The following SDK1 variants were observed in gnomAD, a reference collection of about 807,000 sequenced individuals.
SDK1 encodes protein sidekick-1.
Under a neutral mutation model 245.5 loss-of-function variants are expected in SDK1, and 157 were observed. That is an observed-to-expected ratio of 0.64 (90% CI 0.56 to 0.73). SDK1 has a LOEUF of 0.73. SDK1 is among the 30% of genes least tolerant of loss of function. The pLI, the probability that SDK1 is intolerant of heterozygous loss-of-function variation, is 0.00. For synonymous variants in SDK1, 1,647 were observed against 1,278.5 expected (o/e 1.29, Z -6.15); for missense variants, 3,583 against 3,002.3 (o/e 1.19, Z -4.52).
At chr7:3,757,544 C>T (rs1327127795) in intron 4 of SDK1, among the ~76,000 whole-genome samples, 1 of 152,106 alleles carries the variant, frequency 6.6e-6, no homozygotes, top group Non-Finnish European at 1.5e-5. Flanking sequence ...ACCAGGAAGT[C>T]ACTTTACTTT....
At chr7:3,890,176 C>G (rs73294625) in intron 5 of SDK1, among the ~76,000 whole-genome samples, 2,483 of 152,282 alleles carry the variant, frequency 0.016, 63 homozygotes, top group African/African-American at 0.057. Context: ...CCTCTTGATT[C>G]CAGATACAGT....
intron 15 of SDK1, among the ~76,000 whole-genome samples, chr7:4,011,888 C>T (rs1485093895): frequency 6.6e-6 from 1 of 152,122 alleles, no homozygotes; most frequent in Non-Finnish European, 1.5e-5. Flanking sequence ...TTCCTCGTTG[C>T]TTGGTTAACT....
chr7:3,709,625 G>A (rs1185595918), intron 4 of SDK1, among the ~76,000 whole-genome samples: 1 of 152,204 alleles, frequency 6.6e-6, no homozygotes, highest in African/African-American at 2.4e-5. Flanking sequence ...AGTTAATGGT[G>A]TGTCTCTGCA....
rs181810844 is a variant in SDK1 at position 3,983,902 on chromosome 7, C to T, written c.1995-3284C>T. Among the ~76,000 whole-genome samples, 278 of 152,310 alleles carry T rather than the reference C, an allele frequency of 1.8e-3. 1 individual carries two copies. Among genetic ancestry groups the T allele is most frequent in the South Asian group, 2.9e-3 (14 of 4,826 alleles). On this transcript the variant is annotated intron_variant, in intron 13 of 44. Coordinates refer to ENST00000404826, the MANE Select transcript of SDK1 (RefSeq NM_152744.4). ...TTCGGGGGACAGTCGCAGAGAAGGA[C>T]GTGTGCGTCTCTGCACATCACGGGC... is the stretch of plus-strand genomic sequence containing the variant.
At chr7:3,636,819 C>T (rs1012591927) in intron 2 of SDK1, among the ~76,000 whole-genome samples, 1 of 152,114 alleles carries the variant, frequency 6.6e-6, no homozygotes, top group Non-Finnish European at 1.5e-5. Flanking sequence ...TACAGTAGTT[C>T]CTTTTTCTCC....
chr7:3,830,602 C>T lies in SDK1; in HGVS notation c.847+9019C>T, dbSNP rs564944983. 3.2e-4 allele frequency among the ~76,000 whole-genome samples: 49 copies of T among 152,188 alleles called. 1 individual carries two copies. Among genetic ancestry groups the T allele is most frequent in the African/African-American group, 1.2e-3 (49 of 41,526 alleles). On this transcript the variant is annotated intron_variant, in intron 5 of 44. Coordinates refer to ENST00000404826, the MANE Select transcript of SDK1 (RefSeq NM_152744.4). ...TCTCAACCTCCTGGGCTCAAGCGAT[C>T]CTCCCACCCCAGCCTCCTGATTAGC...
At chr7:3,655,010 G>A (rs920486827) in intron 4 of SDK1, among the ~76,000 whole-genome samples, 1 of 148,446 alleles carries the variant, frequency 6.7e-6, no homozygotes, top group East Asian at 2.0e-4. Context: ...AAATTCTGAA[G>A]TTGCCAGGCC....
rs555036785 is a variant in SDK1 at position 3,456,176 on chromosome 7, A to C, written c.298+154292A>C. The stretch of plus-strand genomic sequence containing the variant: ...AAGATCTTTTTCTTCAGTTTTTATT[A>C]ATTTGTCTTGCTATGTTTTTCCTTG... On this transcript the variant is annotated intron_variant, in intron 1 of 44. Transcript: ENST00000404826. Among the ~76,000 whole-genome samples, 10 of 152,096 alleles carry C rather than the reference A, an allele frequency of 6.6e-5. No individual in the cohort carries two copies. In the South Asian group the frequency reaches 2.1e-3, roughly 32 times the overall value.
chr7:3,774,398 C>T (rs1023789983), intron 4 of SDK1, among the ~76,000 whole-genome samples: 3 of 152,146 alleles, frequency 2.0e-5, no homozygotes, highest in African/African-American at 7.2e-5. Context: ...GTTTGGAGGA[C>T]AGTGTCCTTT....
At position 4,067,930 on chromosome 7, in the gene SDK1, A is replaced by G; in HGVS notation, c.3004A>G (p.Ile1002Val). 1 of 1,607,008 alleles carries G rather than the reference A, an allele frequency of 6.2e-7. No homozygotes were observed. Among genetic ancestry groups the G allele is most frequent in the Non-Finnish European group, 8.5e-7 (1 of 1,174,842 alleles). ...WQEPLEKNGI[I>V]TGYQISWEVY... ...GGAGCCCCTGGAGAAAAATGGCATC[A>G]TTACTGGTAAGTAGGCCTGTCCTTC... The change falls in exon 20 of 45, where the codon ATT (isoleucine) becomes GTT (valine). Residue 1002 changes from isoleucine to valine, a missense_variant. Transcript: ENST00000404826.
chr7:3,972,330 C>T (rs781353568), intron 12 of SDK1, among the ~76,000 whole-genome samples: 9 of 152,252 alleles, frequency 5.9e-5, no homozygotes, highest in East Asian at 1.9e-4. Flanking sequence ...CCACCTGTCT[C>T]GGCCTCCCAA....
intron 1 of SDK1, among the ~76,000 whole-genome samples, chr7:3,433,590 C>G (rs1048970128): frequency 6.6e-6 from 1 of 152,092 alleles, no homozygotes; most frequent in Non-Finnish European, 1.5e-5. Flanking sequence ...AGCACAATGA[C>G]TAAGTGAATT....
intron 4 of SDK1, among the ~76,000 whole-genome samples, chr7:3,760,524 CAAAT>C (rs959721787): frequency 1.3e-5 from 2 of 152,280 alleles, no homozygotes; most frequent in South Asian, 2.1e-4. Context: ...TTATGTTTGC[CAAAT>C]AAATCTCTTT....
intron 5 of SDK1, among the ~76,000 whole-genome samples, chr7:3,913,525 C>G (rs1447286825): frequency 6.6e-6 from 1 of 152,038 alleles, no homozygotes; most frequent in South Asian, 2.1e-4. Context: ...GATCTCCTGA[C>G]GTCGTGATCC....
At chr7:4,142,134 C>T (rs557880070) in intron 28 of SDK1, among the ~76,000 whole-genome samples, 2 of 152,238 alleles carry the variant, frequency 1.3e-5, no homozygotes, top group African/African-American at 2.4e-5. Flanking sequence ...GATCCCACCT[C>T]GACAGTGTGG....
intron 1 of SDK1, among the ~76,000 whole-genome samples, chr7:3,616,564 C>G (rs957039226): frequency 2.0e-5 from 3 of 152,276 alleles, no homozygotes; most frequent in African/African-American, 7.2e-5. Flanking sequence ...ATCTCATCGA[C>G]TAGGTTAAAT....
chr7:4,126,995 C>T (rs598632), intron 25 of SDK1, among the ~76,000 whole-genome samples: 15,735 of 152,242 alleles, frequency 0.1, 887 homozygotes, highest in South Asian at 0.14. Flanking sequence ...CTTCTCTCTT[C>T]AGCTTCTCCT....
chr7:4,089,287 T>G (rs1781634562), intron 22 of SDK1, among the ~76,000 whole-genome samples: 1 of 152,074 alleles, frequency 6.6e-6, no homozygotes, highest in Non-Finnish European at 1.5e-5. Context: ...CTGCCACACG[T>G]TGTGGGTGTG....
intron 4 of SDK1, among the ~76,000 whole-genome samples, chr7:3,663,373 C>A (rs979373377): frequency 1.3e-5 from 2 of 152,164 alleles, no homozygotes; most frequent in African/African-American, 4.8e-5. Context: ...CTGTTCCCTT[C>A]TGGTGTTTTT....
Sources: gnomAD v4.1 joint callset for allele counts (sites outside exome capture counted in the v4.1 genomes callset) on GRCh38, gnomAD v4.1.1 for gene constraint, MANE v1.5 for transcripts, NCBI Gene and HGNC (gene_info 2026-07-23, HGNC 2026-07-21) for gene names.